The following MYO18A variants were observed in gnomAD, a reference collection of about 807,000 sequenced individuals.
MYO18A encodes myosin XVIIIA.
Under a neutral mutation model 235.8 loss-of-function variants are expected in MYO18A, and 78 were observed. That is an observed-to-expected ratio of 0.33 (90% CI 0.28 to 0.40). MYO18A has a LOEUF of 0.40. MYO18A is among the 10% of genes least tolerant of loss of function. The pLI, the probability that MYO18A is intolerant of heterozygous loss-of-function variation, is 1.00. For synonymous variants in MYO18A, 977 were observed against 1,077.8 expected, an observed-to-expected ratio of 0.91 and a Z score of 1.83; for missense variants, 2,215 against 2,699.3, an observed-to-expected ratio of 0.82 and a Z score of 3.98.
intron 30 of MYO18A, 189 bp downstream of exon 30, chr17:29,094,461 T>A: frequency 1.5e-6 from 1 of 646,212 alleles, no homozygotes; most frequent in East Asian, 2.7e-5. Flanking sequence ...TTGTGGAAAG[T>A]TCCACGAGCG....
intron 19 of MYO18A, among the ~76,000 whole-genome samples, chr17:29,108,287 T>C (rs1463668668): frequency 6.6e-6 from 1 of 151,822 alleles, no homozygotes; most frequent in Non-Finnish European, 1.5e-5. Flanking sequence ...CCCTGAAGAG[T>C]GTCTGGGCTT....
intron 1 of MYO18A, among the ~76,000 whole-genome samples, chr17:29,178,158 C>T (rs769978205): frequency 2.0e-4 from 30 of 152,298 alleles, no homozygotes; most frequent in Non-Finnish European, 3.8e-4. Flanking sequence ...AACTGGCTGG[C>T]TACCCAGACA....
chr17:29,127,985 T>A (rs1208325858), intron 2 of MYO18A: 2 of 1,002,668 alleles, frequency 2.0e-6, no homozygotes, highest in Middle Eastern at 5.0e-4. Context: ...GGCTTCAGGC[T>A]TGGCTGGGGA....
Position 29,111,339 on chromosome 17 carries a change from C to T in MYO18A, c.2900+85G>A. ...CCATCTACTTTGCTAGTGAGGGGGC[C>T]TCTGAGACAACCCCAGGGGGAGGGA... is the stretch of plus-strand genomic sequence containing the variant. On this transcript the variant is annotated intron_variant, in intron 17 of 41. Coordinates refer to ENST00000527372, the MANE Select transcript of MYO18A (RefSeq NM_078471.4). The surrounding 1 kb of genome is among the most constrained non-coding windows in gnomAD (Gnocchi z 5.1). 3 of 1,491,656 alleles carry T rather than the reference C, an allele frequency of 2.0e-6. No individual in the cohort carries two copies. Among genetic ancestry groups the T allele is most frequent in the Non-Finnish European group, 1.8e-6 (2 of 1,099,020 alleles). 92.4% of individuals were successfully genotyped at this position (1,491,656 alleles called of 1,614,324 possible). A position where few individuals can be genotyped will look rare whatever the true frequency, so the allele number is the denominator to read the frequency against.
chr17:29,120,530 T>C lies in MYO18A; in HGVS notation c.1728+86A>G. Reference sequence around the variant, plus strand: ...TTGTTAGGGTAGAATCCCAGGAAAATGAGGCATGGGAGAGAGCCTGATGTC... The same window carrying C: ...TTGTTAGGGTAGAATCCCAGGAAAACGAGGCATGGGAGAGAGCCTGATGTC... On this transcript the variant is annotated intron_variant, in intron 7 of 41. Coordinates refer to ENST00000527372, the MANE Select transcript of MYO18A (RefSeq NM_078471.4). This position sits in a 1 kb window ranked among gnomAD's most constrained non-coding sequence, Gnocchi z 4.2. 6.7e-7 allele frequency: 1 copy of C among 1,488,250 alleles called. No homozygotes were observed. The highest frequency in any genetic ancestry group is 1.3e-5 in the South Asian group (1 of 74,668). The allele number at this position is 1,488,250 out of a possible 1,614,324, so 92.2% of individuals were successfully genotyped here. A position where few individuals can be genotyped will look rare whatever the true frequency, so the allele number is the denominator to read the frequency against.
intron 2 of MYO18A, among the ~76,000 whole-genome samples, chr17:29,146,301 T>C (rs2067848880): frequency 6.6e-6 from 1 of 151,468 alleles, no homozygotes; most frequent in Non-Finnish European, 1.5e-5. Context: ...GGCAAAGAAG[T>C]GGAAAAGCAT....
Position 29,120,439 on chromosome 17 carries a change from C to T in MYO18A, c.1728+177G>A, listed in dbSNP as rs1195403354. Among the ~76,000 whole-genome samples, 1 of 152,226 alleles carries T rather than the reference C, an allele frequency of 6.6e-6. No individual in the cohort carries two copies. The highest frequency in any genetic ancestry group is 6.5e-5 in the Admixed American group (1 of 15,276). ...GACTGGCCCCATCCAGGGCAGGAGG[C>T]CCTGAGGGCAGAATGGTGATGCCTC... On this transcript the variant is annotated intron_variant, in intron 7 of 41. Coordinates refer to ENST00000527372, the MANE Select transcript of MYO18A (RefSeq NM_078471.4). The surrounding 1 kb of genome is among the most constrained non-coding windows in gnomAD (Gnocchi z 4.2).
rs764726478 is a variant in MYO18A at position 29,118,387 on chromosome 17, G to A, written c.1883C>T (p.Pro628Leu). 1 of 1,604,850 alleles carries A rather than the reference G, an allele frequency of 6.2e-7. No individual in the cohort carries two copies. Among genetic ancestry groups the A allele is most frequent in the Admixed American group, 1.7e-5 (1 of 59,666 alleles). ...LAENNVFGIV[P>L]LAKPEEKQKA... ...CCACAGACCCCTCACCTTGGCCAGT[G>A]GCACAATCCCAAACACATTGTTCTC... is the stretch of plus-strand genomic sequence containing the variant. Residue 628 changes from proline (P) to leucine (L), a missense_variant, in exon 9 of 42, where the codon CCA becomes CTA. Transcript: ENST00000527372. The surrounding 1 kb of genome is among the most constrained non-coding windows in gnomAD (Gnocchi z 4.2).
At position 29,098,940 on chromosome 17, in the gene MYO18A, C is replaced by T; in HGVS notation, c.3666G>A (p.Gln1222=). ...KIQDLAIRCV[Q]KNIKKNKGVK... is the part of the protein sequence containing the mutation. ...CCCCTTTGTTCTTCTTGATGTTCTT[C>T]TGTACACAGCGAATGGCCAGGTCCT... The change falls in exon 23 of 42, where the codon CAG becomes CAA. Residue 1222 remains glutamine, a synonymous_variant. Coordinates refer to ENST00000527372, the MANE Select transcript of MYO18A (RefSeq NM_078471.4). 6.2e-7 allele frequency: 1 copy of T among 1,613,760 alleles called. No homozygotes were observed. Among genetic ancestry groups the T allele is most frequent in the Non-Finnish European group, 8.5e-7 (1 of 1,179,840 alleles).
At chr17:29,161,838 C>T (rs980376374) in intron 2 of MYO18A, among the ~76,000 whole-genome samples, 2 of 152,316 alleles carry the variant, frequency 1.3e-5, no homozygotes, top group African/African-American at 4.8e-5. Flanking sequence ...AATTTTGATC[C>T]AACTGGGGTT....
intron 24 of MYO18A, 36 bp from the exon 25 acceptor site, chr17:29,098,260 G>A: frequency 1.2e-6 from 2 of 1,613,372 alleles, no homozygotes; most frequent in South Asian, 1.1e-5. Flanking sequence ...ACCAGTTGAA[G>A]TGCCTGCCTC....
At chr17:29,101,522 G>T (rs577411854) in intron 21 of MYO18A, among the ~76,000 whole-genome samples, 12 of 152,152 alleles carry the variant, frequency 7.9e-5, no homozygotes, top group African/African-American at 2.6e-4. Context: ...GCCCAGGGTG[G>T]TCTCAAACTC....
At position 29,117,816 on chromosome 17, in the gene MYO18A, A is replaced by T. The variant is rs111809071; in HGVS notation, c.2038+229T>A. 2.6e-5 allele frequency among the ~76,000 whole-genome samples: 4 copies of T among 152,154 alleles called. No individual in the cohort carries two copies. Among genetic ancestry groups the T allele is most frequent in the African/African-American group, 9.6e-5 (4 of 41,510 alleles). On this transcript the variant is annotated intron_variant, in intron 10 of 41. Transcript: ENST00000527372. The surrounding 1 kb of genome is among the most constrained non-coding windows in gnomAD (Gnocchi z 4.6). ...AACCCCCAGCCCTCCATGCTTCCTC[A>T]TGGTGCCCCCCAGCACAGCCAGCTA...
At chr17:29,177,460 T>C (rs1280872162) in intron 1 of MYO18A, among the ~76,000 whole-genome samples, 1 of 151,976 alleles carries the variant, frequency 6.6e-6, no homozygotes, top group Non-Finnish European at 1.5e-5. Flanking sequence ...GAAGTGAAGG[T>C]GGGAAGTGGA....
In MYO18A at chr17:29,099,512, CTGGCCCAGGACATGG is replaced by C. The variant is rs937794730; in HGVS notation, c.3636+107_3636+121del. On this transcript the variant is annotated intron_variant, in intron 22 of 41. Transcript: ENST00000527372. Reference sequence around the variant, plus strand: ...ACCAGGGAGCTGCCTGTTCCCCACCCTGGCCCAGGACATGGTGCCCTGGGAGGTTCCTGCCTCTTC... The same window carrying C: ...ACCAGGGAGCTGCCTGTTCCCCACCCTGCCCTGGGAGGTTCCTGCCTCTTC... The C allele has an allele frequency of 2.2e-6, 3 of 1,337,126 alleles. No individual in the cohort carries two copies. In the African/African-American group the frequency reaches 4.4e-5, roughly 20 times the overall value. 82.8% of individuals were successfully genotyped at this position (1,337,126 alleles called of 1,614,324 possible). A position where few individuals can be genotyped will look rare whatever the true frequency, so the allele number is the denominator to read the frequency against.
At position 29,110,709 on chromosome 17, in the gene MYO18A, T is replaced by C. The variant is rs954764487; in HGVS notation, c.2901-87A>G. 5.9e-6 allele frequency: 8 copies of C among 1,365,912 alleles called. No homozygotes were observed. In the East Asian group the frequency reaches 1.7e-4, roughly 29 times the overall value. 84.6% of individuals were successfully genotyped at this position (1,365,912 alleles called of 1,614,324 possible). On this transcript the variant is annotated intron_variant, in intron 17 of 41. Coordinates refer to ENST00000527372, the MANE Select transcript of MYO18A (RefSeq NM_078471.4). ...CTCCTCCCCCAAGGCCCCAGAACAC[T>C]AAACAGTCCCATTCAGCCACGTCCA...
At chr17:29,133,954 G>C (rs917987621) in intron 2 of MYO18A, 2 of 841,656 alleles carry the variant, frequency 2.4e-6, no homozygotes, top group Non-Finnish European at 3.3e-6. Flanking sequence ...GGGCAACAAG[G>C]GGAAAGGAGG....
chr17:29,149,454 G>A (rs529927619), intron 2 of MYO18A, among the ~76,000 whole-genome samples: 2 of 152,292 alleles, frequency 1.3e-5, no homozygotes, highest in Admixed American at 1.3e-4. Context: ...AGAGGTGGTC[G>A]CCGAGGCTTG....
At chr17:29,097,389 G>T in intron 26 of MYO18A, 39 bp from the exon 27 acceptor site, 1 of 1,601,010 alleles carries the variant, frequency 6.2e-7, no homozygotes. Flanking sequence ...TGGAGGTGCT[G>T]AGAGTCCCCA....
Sources: gnomAD v4.1 joint callset for allele counts (sites outside exome capture counted in the v4.1 genomes callset) on GRCh38, gnomAD v4.1.1 for gene constraint, Gnocchi (gnomAD v3.1) non-coding constraint, MANE v1.5 for transcripts, NCBI Gene and HGNC (gene_info 2026-07-23, HGNC 2026-07-21) for gene names.